Variants in MAGI2 observed in about 807,000 individuals in gnomAD.
The protein encoded by MAGI2 is membrane associated guanylate kinase, WW and PDZ domain containing 2, also known as membrane-associated guanylate kinase, WW and PDZ domain-containing protein 2.
Under a neutral mutation model 133.3 loss-of-function variants are expected in MAGI2, and 35 were observed. The ratio of observed to expected loss-of-function variants is 0.26; its 90% CI spans 0.20 to 0.35. The LOEUF (loss-of-function observed/expected upper bound fraction) is 0.35, where lower values mean the gene tolerates loss of function less well. Ranked by LOEUF, MAGI2 falls within the 10% of genes least tolerant of loss-of-function variation. The probability of loss-of-function intolerance (pLI) is 1.00; values close to 1 mark genes in which losing one functional copy is unlikely to be tolerated. For missense variants in MAGI2, 1,636 were observed against 1,863.4 expected, an observed-to-expected ratio of 0.88 and a Z score of 2.25; for synonymous variants, 729 against 710.6, an observed-to-expected ratio of 1.03 and a Z score of -0.41.
At chr7:79,260,363 AATACATACATAC>A (rs61427819) in intron 1 of MAGI2, among the ~76,000 whole-genome samples, 2,001 of 149,212 alleles carry the variant, frequency 0.013, 38 homozygotes, top group African/African-American at 0.044. Flanking sequence ...TCTCTAAGTA[AATACATACATAC>A]ATACATACAT....
intron 21 of MAGI2, among the ~76,000 whole-genome samples, chr7:78,025,724 C>G (rs1365925816): frequency 6.6e-6 from 1 of 152,038 alleles, no homozygotes; most frequent in African/African-American, 2.4e-5. Context: ...GGGGAAATGA[C>G]TAAGTTTGGG....
At chr7:79,237,141 A>C (rs1263003483) in intron 1 of MAGI2, among the ~76,000 whole-genome samples, 2 of 152,256 alleles carry the variant, frequency 1.3e-5, no homozygotes, top group Non-Finnish European at 2.9e-5. Context: ...ACTACTAATA[A>C]TAATGATAAT....
At chr7:79,099,935 A>C (rs1225448335) in intron 1 of MAGI2, among the ~76,000 whole-genome samples, 1 of 152,216 alleles carries the variant, frequency 6.6e-6, no homozygotes, top group Non-Finnish European at 1.5e-5. Context: ...ATCACGAATT[A>C]GCTATTATAA....
intron 1 of MAGI2, among the ~76,000 whole-genome samples, chr7:79,447,997 G>T (rs1848980985): frequency 6.6e-6 from 1 of 151,796 alleles, no homozygotes; most frequent in South Asian, 2.1e-4. Flanking sequence ...ATTAATATAA[G>T]AAGTATAAAC....
At chr7:78,556,678 T>C (rs571380618) in intron 3 of MAGI2, among the ~76,000 whole-genome samples, 2 of 152,286 alleles carry the variant, frequency 1.3e-5, no homozygotes, top group South Asian at 4.1e-4. Context: ...TGTCTAAGTA[T>C]CTTCACATAT....
intron 20 of MAGI2, among the ~76,000 whole-genome samples, chr7:78,111,333 CAA>C (rs1360695446): frequency 6.6e-6 from 1 of 152,212 alleles, no homozygotes; most frequent in Non-Finnish European, 1.5e-5. Context: ...TAATTAAAAT[CAA>C]AGACTCTCCT....
chr7:79,281,676 T>C (rs1211705087), intron 1 of MAGI2, among the ~76,000 whole-genome samples: 5 of 152,150 alleles, frequency 3.3e-5, no homozygotes, highest in Non-Finnish European at 7.4e-5. Context: ...AAAATGAAGT[T>C]ATGGAAAAAG....
chr7:78,375,005 AT>A (rs370424116), intron 6 of MAGI2, among the ~76,000 whole-genome samples: 2 of 149,974 alleles, frequency 1.3e-5, no homozygotes, highest in African/African-American at 2.4e-5. Flanking sequence ...ACACCTGGCT[AT>A]TTTTTTTTGT....
At chr7:79,441,581 C>T (rs6979550) in intron 1 of MAGI2, among the ~76,000 whole-genome samples, 85,402 of 151,808 alleles carry the variant, frequency 0.56, 24,288 homozygotes, top group African/African-American at 0.64. Flanking sequence ...TCAAGCCAGA[C>T]AGACAGTATT....
intron 1 of MAGI2, among the ~76,000 whole-genome samples, chr7:79,081,966 T>G (rs952474513): frequency 1.1e-4 from 17 of 152,244 alleles, no homozygotes; most frequent in African/African-American, 3.1e-4. Flanking sequence ...TCTGTTGACA[T>G]ACATTTTCAT....
At chr7:78,884,351 G>T (rs1350418763) in intron 2 of MAGI2, among the ~76,000 whole-genome samples, 1 of 152,072 alleles carries the variant, frequency 6.6e-6, no homozygotes, top group East Asian at 1.9e-4. Context: ...AAGTGTGCTG[G>T]CACATTCCTG....
chr7:78,946,952 A>G (rs951833734), intron 2 of MAGI2: 3 of 152,134 alleles, frequency 2.0e-5, no homozygotes, highest in African/African-American at 7.2e-5. Flanking sequence ...ATCATATTCT[A>G]AGAGACAAAT....
At chr7:78,036,931 T>G (rs1026223011) in intron 21 of MAGI2, among the ~76,000 whole-genome samples, 1 of 152,212 alleles carries the variant, frequency 6.6e-6, no homozygotes, top group Non-Finnish European at 1.5e-5. Flanking sequence ...GTAACTTTTA[T>G]CTTAAGCTCC....
At chr7:78,559,845 A>ATG (rs751157836) in intron 3 of MAGI2, among the ~76,000 whole-genome samples, 7 of 152,162 alleles carry the variant, frequency 4.6e-5, no homozygotes, top group Non-Finnish European at 1.0e-4. Context: ...ACAAACATGT[A>ATG]TGTGTGTGTG....
At chr7:78,258,921 T>C (rs867489408) in intron 9 of MAGI2, among the ~76,000 whole-genome samples, 1 of 152,210 alleles carries the variant, frequency 6.6e-6, no homozygotes, top group Middle Eastern at 3.2e-3. Context: ...GCACAGACCA[T>C]GTGCATCTTC....
chr7:78,231,895 TA>T (rs1380399647), intron 10 of MAGI2, among the ~76,000 whole-genome samples: 1 of 152,046 alleles, frequency 6.6e-6, no homozygotes. Context: ...CTTACAAGTA[TA>T]TTTTTAAGGA....
At chr7:78,630,049 C>T (rs920408092) in intron 2 of MAGI2, among the ~76,000 whole-genome samples, 1 of 151,912 alleles carries the variant, frequency 6.6e-6, no homozygotes, top group African/African-American at 2.4e-5. Flanking sequence ...TTCTATAAGA[C>T]TTCTGATTTT....
intron 2 of MAGI2, among the ~76,000 whole-genome samples, chr7:78,943,779 T>C (rs190208195): frequency 1.3e-5 from 2 of 152,282 alleles, no homozygotes; most frequent in East Asian, 3.9e-4. Flanking sequence ...CCAAACTATA[T>C]GGGAGATATT....
intron 2 of MAGI2, among the ~76,000 whole-genome samples, chr7:78,957,070 C>T (rs1444505035): frequency 6.6e-6 from 1 of 151,848 alleles, no homozygotes; most frequent in Non-Finnish European, 1.5e-5. Flanking sequence ...TCGAGATCAG[C>T]CTGACCAACA....
Sources: allele counts gnomAD v4.1 joint callset (sites outside exome capture counted in the v4.1 genomes callset), GRCh38; gene constraint gnomAD v4.1.1; transcripts MANE v1.5; gene names NCBI Gene and HGNC (gene_info 2026-07-23, HGNC 2026-07-21).